MORC1: variants seen among roughly 807,000 people sequenced by gnomAD.
MORC1 encodes the protein MORC family CW-type zinc finger 1.
A neutral mutation model predicts 134.9 loss-of-function variants in MORC1; 59 were observed. That is an observed-to-expected ratio of 0.44 (90% CI 0.35 to 0.54). The LOEUF is 0.54. Ranked by LOEUF, MORC1 falls within the 20% of genes least tolerant of loss-of-function variation. The probability of loss-of-function intolerance (pLI) is 0.00; values close to 1 mark genes in which losing one functional copy is unlikely to be tolerated. For synonymous variants in MORC1, 395 were observed against 391.7 expected (o/e 1.01, Z -0.10); for missense variants, 947 against 1,134.5 (o/e 0.83, Z 2.37).
chr3:109,114,249 G>T, intron 2 of MORC1, 135 bp downstream of exon 2: 1 of 690,258 alleles, frequency 1.4e-6, no homozygotes, highest in South Asian at 2.8e-5. Context: ...AGAACACCTT[G>T]ATTTTATAGG....
At chr3:109,018,949 G>A (rs1948890192) in intron 17 of MORC1, 1 of 152,098 alleles carries the variant, frequency 6.6e-6, no homozygotes, top group South Asian at 2.1e-4. Flanking sequence ...CCCAAAGGAA[G>A]AGAGGAATGA....
chr3:108,975,086 C>T (rs1414782092), intron 24 of MORC1, among the ~76,000 whole-genome samples: 1 of 152,208 alleles, frequency 6.6e-6, no homozygotes, highest in African/African-American at 2.4e-5. Flanking sequence ...GTTGATACAA[C>T]TCTACTCTTT....
At chr3:108,971,262 A>C (rs1947370429) in intron 25 of MORC1, 68 bp downstream of exon 25, 1 of 1,418,878 alleles carries the variant, frequency 7.0e-7, no homozygotes, top group East Asian at 2.3e-5. Flanking sequence ...GAAACACTTT[A>C]CATTTTTCTT....
At chr3:109,062,909 C>A (rs1950115927) in intron 10 of MORC1, among the ~76,000 whole-genome samples, 1 of 152,056 alleles carries the variant, frequency 6.6e-6, no homozygotes. Context: ...AGGTTTCTAA[C>A]AAATATCAAT....
rs1233736231 is a variant in MORC1, at chr3:108,979,635, A to G, written c.2357T>C (p.Leu786Pro). Residue 786 changes from leucine (L) to proline (P), a missense_variant, in exon 24 of 28, where the codon CTA becomes CCA. Around this residue, in one of 3 missense-constraint regions of MORC1, gnomAD observed 722 missense variants for 817.0 expected, o/e 0.88. Transcript: ENST00000232603. ...AACTCTGGCTATGTGTCCAGAACTTAGATTCACATCTTCCATCGGCACATT... is the reference window on the plus strand; with the variant it reads ...AACTCTGGCTATGTGTCCAGAACTTGGATTCACATCTTCCATCGGCACATT... ...LLNVPMEDVNLSSGHIARVSV... is the reference protein window; with the variant it reads ...LLNVPMEDVNPSSGHIARVSV... 1.9e-6 allele frequency: 3 copies of G among 1,614,116 alleles called. No homozygotes were observed. In the Admixed American group the frequency reaches 5.0e-5, roughly 27 times the overall value.
At chr3:108,981,244 T>A (rs992655906) in intron 23 of MORC1, among the ~76,000 whole-genome samples, 1 of 152,156 alleles carries the variant, frequency 6.6e-6, no homozygotes, top group African/African-American at 2.4e-5. Flanking sequence ...GTCCATAAAT[T>A]AAGATCACAG....
At chr3:109,049,272 T>C (rs543697455) in intron 14 of MORC1, 3 of 315,128 alleles carry the variant, frequency 9.5e-6, no homozygotes, top group African/African-American at 6.8e-5. Flanking sequence ...TTGTCTATGT[T>C]TTAAGGAAAA....
intron 24 of MORC1, among the ~76,000 whole-genome samples, chr3:108,973,478 A>G (rs1947449470): frequency 6.6e-6 from 1 of 152,156 alleles, no homozygotes; most frequent in Non-Finnish European, 1.5e-5. Flanking sequence ...GGCCACCTGC[A>G]CCATACACCA....
intron 8 of MORC1, among the ~76,000 whole-genome samples, chr3:109,072,254 G>C (rs970266251): frequency 2.6e-5 from 4 of 152,146 alleles, no homozygotes; most frequent in Non-Finnish European, 5.9e-5. Context: ...CAGTTCTCCA[G>C]CCATGCAATC....
intron 13 of MORC1, among the ~76,000 whole-genome samples, chr3:109,056,831 T>C (rs1949974018): frequency 6.6e-6 from 1 of 152,332 alleles, no homozygotes; most frequent in South Asian, 2.1e-4. Flanking sequence ...GGACTCTACA[T>C]CATTGATGAA....
chr3:109,059,600 C>T (rs1031254), intron 12 of MORC1, among the ~76,000 whole-genome samples: 72,283 of 151,864 alleles, frequency 0.48, 20,325 homozygotes, highest in East Asian at 0.9. Context: ...TGTAGACACA[C>T]GTGTACGTGC....
chr3:108,969,394 A>G (rs1441468402), intron 26 of MORC1, among the ~76,000 whole-genome samples: 2 of 152,170 alleles, frequency 1.3e-5, no homozygotes, highest in African/African-American at 2.4e-5. Context: ...TTCGGTGAAA[A>G]TATTTCTTTA....
chr3:109,045,783 A>G (rs1315040605), intron 14 of MORC1, among the ~76,000 whole-genome samples: 1 of 152,182 alleles, frequency 6.6e-6, no homozygotes, highest in Non-Finnish European at 1.5e-5. Context: ...AGCTGCTGTC[A>G]GAACATTTCC....
intron 24 of MORC1, among the ~76,000 whole-genome samples, chr3:108,978,042 T>A (rs1339843451): frequency 6.6e-6 from 1 of 152,136 alleles, no homozygotes; most frequent in Non-Finnish European, 1.5e-5. Context: ...CCTGACTGGC[T>A]AATTTTTTGT....
intron 17 of MORC1, among the ~76,000 whole-genome samples, chr3:109,010,374 A>G (rs1443755904): frequency 2.6e-5 from 4 of 152,194 alleles, no homozygotes; most frequent in African/African-American, 9.6e-5. Flanking sequence ...GTATAGTCTC[A>G]GCATCTCTTC....
At chr3:109,038,905 T>C (rs1949443982) in intron 14 of MORC1, among the ~76,000 whole-genome samples, 1 of 152,128 alleles carries the variant, frequency 6.6e-6, no homozygotes, top group Admixed American at 6.5e-5. Context: ...TGCTTAGGAT[T>C]GTCTTGGCTA....
intron 23 of MORC1, among the ~76,000 whole-genome samples, chr3:108,980,024 T>C (rs912514952): frequency 1.2e-4 from 18 of 152,174 alleles, no homozygotes; most frequent in Admixed American, 7.2e-4. Flanking sequence ...GGTAACCATA[T>C]GGCAAAAATC....
At chr3:109,066,168 A>C (rs1478355093) in intron 9 of MORC1, among the ~76,000 whole-genome samples, 1 of 152,170 alleles carries the variant, frequency 6.6e-6, no homozygotes, top group African/African-American at 2.4e-5. Context: ...CCTGTATCTA[A>C]AAGTTGAAAT....
chr3:109,095,718 T>C (rs778308260), intron 6 of MORC1, among the ~76,000 whole-genome samples: 18 of 152,150 alleles, frequency 1.2e-4, no homozygotes, highest in Non-Finnish European at 1.9e-4. Context: ...CTCGTTCCCA[T>C]TTGTCTCCCA....
Sources: allele counts gnomAD v4.1 joint callset (sites outside exome capture counted in the v4.1 genomes callset), GRCh38; gene constraint gnomAD v4.1.1; regional missense constraint gnomAD v4.1.1; transcripts MANE v1.5; gene names NCBI Gene and HGNC (gene_info 2026-07-23, HGNC 2026-07-21).